Variants in PTPN14 observed in about 807,000 individuals in gnomAD.
PTPN14 encodes tyrosine-protein phosphatase non-receptor type 14.
In PTPN14, 53 loss-of-function variants were observed where a neutral mutation model predicts 126.8. The ratio of observed to expected loss-of-function variants is 0.42; its 90% CI spans 0.34 to 0.53. The LOEUF is 0.53. PTPN14 is among the 20% of genes least tolerant of loss of function. The probability of loss-of-function intolerance (pLI) is 0.08; values close to 1 mark genes in which losing one functional copy is unlikely to be tolerated. For missense variants in PTPN14, 1,257 were observed against 1,552.9 expected (o/e 0.81, Z 3.20); for synonymous variants, 630 against 599.3 (o/e 1.05, Z -0.75).
At chr1:214,470,380 C>T (rs1660726673) in intron 1 of PTPN14, among the ~76,000 whole-genome samples, 2 of 152,022 alleles carry the variant, frequency 1.3e-5, no homozygotes, top group Admixed American at 1.3e-4. Flanking sequence ...ATCTTCTAAC[C>T]CTCTTTTTCC....
chr1:214,499,334 TAG>T (rs1288135624), intron 1 of PTPN14, among the ~76,000 whole-genome samples: 1 of 151,866 alleles, frequency 6.6e-6, no homozygotes, highest in Non-Finnish European at 1.5e-5. Context: ...TATAGAACCC[TAG>T]AGAGACTGAT....
chr1:214,414,701 T>C lies in PTPN14; in HGVS notation c.370A>G (p.Lys124Glu), dbSNP rs1216890427. ...CGTAATCGCCCTTCAAGCACATCTTTTTTGACTTGCAGGTAATACTGATAT... is the reference window on the plus strand; with the variant it reads ...CGTAATCGCCCTTCAAGCACATCTTCTTTGACTTGCAGGTAATACTGATAT... ...TRYQYYLQVK[K>E]DVLEGRLRCT... The change falls in exon 4 of 19, where the codon AAA (lysine) becomes GAA (glutamate). Residue 124 changes from lysine (K) to glutamate (E), a missense_variant. By Grantham distance (56) the Lys-to-Glu change is moderately conservative (BLOSUM62 1). This residue lies in a region of PTPN14 where 1,021 missense variants were observed against 1,183.3 expected (regional missense o/e 0.86). Coordinates refer to ENST00000366956, the MANE Select transcript of PTPN14 (RefSeq NM_005401.5). The C allele has an allele frequency of 1.2e-6, 2 of 1,613,908 alleles. No individual in the cohort carries two copies. The highest frequency in any genetic ancestry group is 1.7e-6 in the Non-Finnish European group (2 of 1,179,888).
intron 3 of PTPN14, among the ~76,000 whole-genome samples, chr1:214,424,615 T>A (rs968714490): frequency 1.3e-5 from 2 of 151,688 alleles, no homozygotes; most frequent in Non-Finnish European, 2.9e-5. Flanking sequence ...GCAACCTCCA[T>A]CTCCCGGGTT....
intron 1 of PTPN14, among the ~76,000 whole-genome samples, chr1:214,491,000 GGAAAGAAAGGAA>G (rs1661232427): frequency 8.3e-6 from 1 of 120,190 alleles, no homozygotes; most frequent in African/African-American, 3.3e-5. Context: ...GGGAAGGAAA[GGAAAGAAAGGAA>G]GAAAGGAAGA....
At chr1:214,379,341 G>A (rs1166474600) in intron 13 of PTPN14, among the ~76,000 whole-genome samples, 1 of 152,176 alleles carries the variant, frequency 6.6e-6, no homozygotes, top group East Asian at 1.9e-4. Context: ...CCATCCCACA[G>A]GGTTATGAAT....
At chr1:214,533,707 G>A (rs1329864867) in intron 1 of PTPN14, among the ~76,000 whole-genome samples, 1 of 151,844 alleles carries the variant, frequency 6.6e-6, no homozygotes, top group African/African-American at 2.4e-5. Flanking sequence ...CGTGGTGGCG[G>A]GCGCCTGTAG....
intron 18 of PTPN14, among the ~76,000 whole-genome samples, chr1:214,359,300 G>A (rs1258926210): frequency 2.1e-5 from 3 of 145,818 alleles, no homozygotes; most frequent in African/African-American, 5.1e-5. Flanking sequence ...TATAACCTCC[G>A]CCTCCCAGGT....
chr1:214,458,088 C>A (rs957774468), intron 2 of PTPN14, among the ~76,000 whole-genome samples: 4 of 152,122 alleles, frequency 2.6e-5, no homozygotes, highest in Non-Finnish European at 5.9e-5. Context: ...TTCACTCTGT[C>A]ACCCAGGCTG....
intron 1 of PTPN14, among the ~76,000 whole-genome samples, chr1:214,540,802 C>G (rs1178158980): frequency 2.0e-5 from 3 of 152,024 alleles, no homozygotes; most frequent in African/African-American, 7.2e-5. Context: ...GTATCTAATA[C>G]AAATCATGGG....
At chr1:214,526,468 C>T (rs1450908944) in intron 1 of PTPN14, among the ~76,000 whole-genome samples, 5 of 151,898 alleles carry the variant, frequency 3.3e-5, no homozygotes, top group South Asian at 4.1e-4. Context: ...AATATACACT[C>T]CAAGGAGACT....
chr1:214,387,674 CAAAAAA>C (rs67415818), intron 11 of PTPN14, among the ~76,000 whole-genome samples: 2 of 85,370 alleles, frequency 2.3e-5, no homozygotes, highest in South Asian at 3.9e-4. Context: ...AAGACTCCGT[CAAAAAA>C]AAAAAAAAAA....
chr1:214,474,346 C>T (rs1262717802), intron 1 of PTPN14, among the ~76,000 whole-genome samples: 1 of 152,212 alleles, frequency 6.6e-6, no homozygotes, highest in African/African-American at 2.4e-5. Flanking sequence ...AGAACACCCT[C>T]AGTTCATTTA....
intron 8 of PTPN14, among the ~76,000 whole-genome samples, chr1:214,396,703 T>C (rs76520717): frequency 0.021 from 3,173 of 152,330 alleles, 110 homozygotes; most frequent in African/African-American, 0.072. Flanking sequence ...CTTATGCTCA[T>C]GAAATTTCCA....
At chr1:214,428,892 A>G (rs1659736272) in intron 3 of PTPN14, among the ~76,000 whole-genome samples, 1 of 152,250 alleles carries the variant, frequency 6.6e-6, no homozygotes, top group African/African-American at 2.4e-5. Context: ...ATCAAAAGGC[A>G]TGCACTAAAA....
intron 8 of PTPN14, 98 bp downstream of exon 8, chr1:214,397,813 CCA>C: frequency 3.2e-6 from 3 of 938,204 alleles, no homozygotes; most frequent in Non-Finnish European, 4.9e-6. Flanking sequence ...CAAATCTTAT[CCA>C]CAGTTTGGCT....
At chr1:214,530,166 G>C (rs990442923) in intron 1 of PTPN14, 1 of 151,968 alleles carries the variant, frequency 6.6e-6, no homozygotes, top group Non-Finnish European at 1.5e-5. Flanking sequence ...CAACATTCAG[G>C]CTAGGAGGGA....
At chr1:214,442,190 C>T (rs1166713663) in intron 3 of PTPN14, among the ~76,000 whole-genome samples, 1 of 152,064 alleles carries the variant, frequency 6.6e-6, no homozygotes, top group Non-Finnish European at 1.5e-5. Context: ...CAGGTTAGTA[C>T]CCCTTATGCA....
chr1:214,477,330 T>C (rs569076880), intron 1 of PTPN14, among the ~76,000 whole-genome samples: 39 of 152,324 alleles, frequency 2.6e-4, no homozygotes, highest in Middle Eastern at 6.8e-3. Flanking sequence ...ATGGTCGTGC[T>C]GCTCATTAAA....
chr1:214,383,958 G>T lies in PTPN14; in HGVS notation c.1897C>A (p.His633Asn). The T allele has an allele frequency of 6.2e-7, 1 of 1,612,640 alleles. No individual in the cohort carries two copies. ...TGGCGCTTGTTCACAGTGCCGTGGT[G>T]CTTGGTGGCCGTGAGGGGCTCGCTC... ...EVSEPLTATK[H>N]HGTVNKRHSL... The change falls in exon 13 of 19, where the codon CAC becomes AAC. Residue 633 changes from histidine to asparagine, a missense_variant. Transcript: ENST00000366956. This position sits in a 1 kb window ranked among gnomAD's most constrained non-coding sequence, Gnocchi z 4.4.
Sources: allele counts gnomAD v4.1 joint callset (sites outside exome capture counted in the v4.1 genomes callset), GRCh38; gene constraint gnomAD v4.1.1; regional missense constraint gnomAD v4.1.1; non-coding constraint Gnocchi (gnomAD v3.1); transcripts MANE v1.5; gene names NCBI Gene and HGNC (gene_info 2026-07-23, HGNC 2026-07-21).